Variants in SIK3 observed in about 807,000 individuals in gnomAD.
SIK3 encodes the protein SIK family kinase 3.
SIK3 carries 28 observed loss-of-function variants against 144.2 expected under a neutral mutation model. That is an observed-to-expected ratio of 0.19 (90% CI 0.14 to 0.27). The LOEUF (loss-of-function observed/expected upper bound fraction) is 0.27, where lower values mean the gene tolerates loss of function less well. SIK3 is among the 10% of genes least tolerant of loss of function. SIK3 has a pLI of 1.00. For synonymous variants in SIK3, 686 were observed against 676.3 expected (o/e 1.01, Z -0.22); for missense variants, 1,319 against 1,776.0 (o/e 0.74, Z 4.62).
At chr11:116,999,359 CTT>C (rs1491582375) in intron 1 of SIK3, among the ~76,000 whole-genome samples, 1 of 152,134 alleles carries the variant, frequency 6.6e-6, no homozygotes, top group Non-Finnish European at 1.5e-5. Context: ...AAATGTCTGA[CTT>C]TTCTGAAACT....
chr11:116,887,941 CTT>C (rs1458294500), intron 6 of SIK3, among the ~76,000 whole-genome samples: 1 of 152,186 alleles, frequency 6.6e-6, no homozygotes, highest in Non-Finnish European at 1.5e-5. Flanking sequence ...TGAAAGGAAA[CTT>C]GTGTCAAACA....
chr11:117,014,829 C>T (rs1402799381), intron 1 of SIK3, among the ~76,000 whole-genome samples: 1 of 152,038 alleles, frequency 6.6e-6, no homozygotes, highest in African/African-American at 2.4e-5. Context: ...TTTAGGAGGC[C>T]GAGGCAGGTG....
At chr11:117,035,802 G>C (rs1482118433) in intron 1 of SIK3, 1 of 1,453,448 alleles carries the variant, frequency 6.9e-7, no homozygotes, top group East Asian at 2.3e-5. Flanking sequence ...TGCTTTTAGT[G>C]CTGCTTCCTC....
chr11:116,992,895 G>A (rs1164802969), intron 1 of SIK3, among the ~76,000 whole-genome samples: 1 of 152,122 alleles, frequency 6.6e-6, no homozygotes, highest in Non-Finnish European at 1.5e-5. Context: ...TGAGGTGGGA[G>A]GGTCACTTAA....
Position 116,858,219 on chromosome 11 carries a change from A to C in SIK3, c.3246T>G (p.Leu1082=). Residue 1082 remains leucine (L), a synonymous_variant, in exon 21 of 25, where the codon CTT becomes CTG. Coordinates refer to ENST00000445177, the MANE Select transcript of SIK3 (RefSeq NM_001366686.3). This position sits in a 1 kb window ranked among gnomAD's most constrained non-coding sequence, Gnocchi z 5.4. The stretch of plus-strand genomic sequence containing the variant: ...GGCGCTCTGTCATGCTCTGTCCCCC[A>C]AGGCTGGGAGCCAGACTCCCCGCAT... ...QGDAGSLAPS[L]GGQSMTERQA... is the part of the protein sequence containing the mutation. 2 of 1,614,106 alleles carry C rather than the reference A, an allele frequency of 1.2e-6. No individual in the cohort carries two copies. Among genetic ancestry groups the C allele is most frequent in the Non-Finnish European group, 1.7e-6 (2 of 1,180,008 alleles).
intron 4 of SIK3, among the ~76,000 whole-genome samples, chr11:116,911,456 G>A (rs941270458): frequency 2.0e-4 from 30 of 152,070 alleles, no homozygotes; most frequent in African/African-American, 7.2e-4. Context: ...GCAGTGACCC[G>A]AGATGGTGGC....
At chr11:116,929,097 T>G (rs1012680973) in intron 3 of SIK3, among the ~76,000 whole-genome samples, 2 of 151,858 alleles carry the variant, frequency 1.3e-5, no homozygotes, top group East Asian at 1.9e-4. Flanking sequence ...CTAGGGAGAG[T>G]AACTTAACAG....
chr11:117,053,064 C>T (rs534981490), intron 1 of SIK3, among the ~76,000 whole-genome samples: 2 of 152,212 alleles, frequency 1.3e-5, no homozygotes, highest in South Asian at 2.1e-4. Flanking sequence ...GCAGGCCGGG[C>T]GCGGTGGCTC....
chr11:116,969,001 TAGAC>T (rs1455138753), intron 1 of SIK3, among the ~76,000 whole-genome samples: 4 of 152,086 alleles, frequency 2.6e-5, no homozygotes, highest in African/African-American at 4.8e-5. Flanking sequence ...TCATTTAAGA[TAGAC>T]AGACGGCCGA....
chr11:116,908,212 A>G (rs556801405), intron 4 of SIK3, among the ~76,000 whole-genome samples: 1 of 152,278 alleles, frequency 6.6e-6, no homozygotes, highest in African/African-American at 2.4e-5. Flanking sequence ...GTGGTGGCTT[A>G]CTCCTGTAAT....
intron 1 of SIK3, among the ~76,000 whole-genome samples, chr11:117,091,190 T>G (rs1055230986): frequency 5.2e-4 from 71 of 136,046 alleles, no homozygotes; most frequent in Middle Eastern, 3.8e-3. Context: ...AATCCTGAGG[T>G]TTTTTTTTTC....
intron 21 of SIK3, among the ~76,000 whole-genome samples, chr11:116,856,607 A>G (rs1414771780): frequency 6.6e-6 from 1 of 152,224 alleles, no homozygotes; most frequent in Non-Finnish European, 1.5e-5. Flanking sequence ...CAGCAGCCAC[A>G]GGTGAACACA....
At chr11:117,058,519 CAAAAAAA>C (rs61453348) in intron 1 of SIK3, among the ~76,000 whole-genome samples, 2 of 116,854 alleles carry the variant, frequency 1.7e-5, no homozygotes, top group South Asian at 5.6e-4. Context: ...GACTCCATCT[CAAAAAAA>C]AAAAAAAAAA....
At chr11:116,977,608 C>G (rs1434643049) in intron 1 of SIK3, among the ~76,000 whole-genome samples, 3 of 152,144 alleles carry the variant, frequency 2.0e-5, no homozygotes, top group African/African-American at 7.2e-5. Context: ...TAACAAACAG[C>G]AGATGCAGGC....
intron 1 of SIK3, among the ~76,000 whole-genome samples, chr11:117,096,465 G>A (rs1955474960): frequency 6.6e-6 from 1 of 152,172 alleles, no homozygotes; most frequent in African/African-American, 2.4e-5. Context: ...TTGGCTAATA[G>A]TCAACTAGAC....
At chr11:117,088,828 C>T (rs932946068) in intron 1 of SIK3, among the ~76,000 whole-genome samples, 1 of 151,324 alleles carries the variant, frequency 6.6e-6, no homozygotes, top group Admixed American at 6.6e-5. Context: ...AGGCATGCAC[C>T]ACCACACCCC....
intron 1 of SIK3, among the ~76,000 whole-genome samples, chr11:117,062,809 T>C (rs944646917): frequency 6.6e-6 from 1 of 152,200 alleles, no homozygotes; most frequent in Non-Finnish European, 1.5e-5. Flanking sequence ...TAGGAAAATC[T>C]TGTATAGGTA....
rs779175738 is a variant in SIK3, at chr11:116,846,517, T to C, written c.3989A>G (p.Asp1330Gly). Reference sequence around the variant, plus strand: ...TAAATGCTGGCTGCCATCACTCAGGTCTGGGTGCTCATGACCTCCCAGGCT... The same window carrying C: ...TAAATGCTGGCTGCCATCACTCAGGCCTGGGTGCTCATGACCTCCCAGGCT... ...GASLGGHEHPDLSDGSQHLNS... is the reference protein window; with the variant it reads ...GASLGGHEHPGLSDGSQHLNS... The change falls in exon 24 of 25, where the codon GAC (aspartate) becomes GGC (glycine). Residue 1330 changes from aspartate (D) to glycine (G), a missense_variant. By Grantham distance (94) the Asp-to-Gly change is moderately conservative. Coordinates refer to ENST00000445177, the MANE Select transcript of SIK3 (RefSeq NM_001366686.3). This position sits in a 1 kb window ranked among gnomAD's most constrained non-coding sequence, Gnocchi z 4.1. 3 of 1,614,156 alleles carry C rather than the reference T, an allele frequency of 1.9e-6. No homozygotes were observed. In the South Asian group the frequency reaches 3.3e-5, roughly 18 times the overall value.
intron 3 of SIK3, among the ~76,000 whole-genome samples, chr11:116,953,527 A>G (rs947651953): frequency 6.6e-6 from 1 of 152,250 alleles, no homozygotes; most frequent in African/African-American, 2.4e-5. Context: ...GTGAGAGGAA[A>G]ATATAGCTAC....
Sources: allele counts gnomAD v4.1 joint callset (sites outside exome capture counted in the v4.1 genomes callset), GRCh38; gene constraint gnomAD v4.1.1; non-coding constraint Gnocchi (gnomAD v3.1); transcripts MANE v1.5; gene names NCBI Gene and HGNC (gene_info 2026-07-23, HGNC 2026-07-21).